The following RXYLT1 variants were observed in gnomAD, a reference collection of about 807,000 sequenced individuals.
RXYLT1 encodes ribitol-5-phosphate xylosyltransferase 1.
RXYLT1 carries 41 observed loss-of-function variants against 43.5 expected under a neutral mutation model. The ratio of observed to expected loss-of-function variants is 0.94; its 90% CI spans 0.73 to 1.22. The LOEUF is 1.22. RXYLT1 is among the 50% of genes most tolerant of loss of function. RXYLT1 has a pLI of 0.00. For synonymous variants in RXYLT1, 166 were observed against 194.4 expected (o/e 0.85, Z 1.21); for missense variants, 514 against 532.0 (o/e 0.97, Z 0.33).
chr12:63,797,547 A>G (rs1194314311), intron 3 of RXYLT1, among the ~76,000 whole-genome samples: 1 of 152,176 alleles, frequency 6.6e-6, no homozygotes, highest in African/African-American at 2.4e-5. Flanking sequence ...TTGCAAACCA[A>G]TCAATATTCC....
rs761912994 is a variant in RXYLT1, at chr12:63,808,733, A to C, written c.973A>C (p.Ser325Arg). ...LKNYQDALLQ[S>R]DLTLCPVGVN... ...GAATTACCAAGATGCCTTGCTTCAG[A>C]GTGATCTCACATTGTGCCCGGTCGG... is the stretch of plus-strand genomic sequence containing the variant. Residue 325 changes from serine (S) to arginine (R), a missense_variant, in exon 6 of 6, where the codon AGT becomes CGT. Ser to Arg is a moderately radical substitution (Grantham distance 110). Transcript: ENST00000261234. 6.2e-7 allele frequency: 1 copy of C among 1,610,576 alleles called. No homozygotes were observed. The highest frequency in any genetic ancestry group is 1.3e-5 in the African/African-American group (1 of 74,724).
At position 63,786,075 on chromosome 12, in the gene RXYLT1, A is replaced by G. The variant is rs553740981; in HGVS notation, c.428+1003A>G. Among the ~76,000 whole-genome samples the G allele has an allele frequency of 3.3e-5, 5 of 152,264 alleles. No homozygotes were observed. In the South Asian group the frequency reaches 1.0e-3, roughly 32 times the overall value. On this transcript the variant is annotated intron_variant, in intron 3 of 5. Coordinates refer to ENST00000261234, the MANE Select transcript of RXYLT1 (RefSeq NM_014254.3). ...ATTCAAGAGCTTAAATAGACTTACA[A>G]TGGTTGGATTTGGGTGTGTGAAAGT... is the stretch of plus-strand genomic sequence containing the variant.
chr12:63,782,600 G>GT (rs1196417149), intron 2 of RXYLT1: 1 of 456,704 alleles, frequency 2.2e-6, no homozygotes, highest in African/African-American at 2.0e-5. Flanking sequence ...GGCCCTCTGT[G>GT]TATGTCACAG....
At chr12:63,786,017 CT>C (rs1230267032) in intron 3 of RXYLT1, among the ~76,000 whole-genome samples, 2 of 151,878 alleles carry the variant, frequency 1.3e-5, no homozygotes, top group African/African-American at 4.8e-5. Flanking sequence ...ATTATTTTTC[CT>C]TTCATCTTCA....
At chr12:63,783,910 C>A (rs1175192402) in intron 2 of RXYLT1, among the ~76,000 whole-genome samples, 1 of 152,066 alleles carries the variant, frequency 6.6e-6, no homozygotes, top group Non-Finnish European at 1.5e-5. Flanking sequence ...GAGTTTCTAG[C>A]GGCTACCCGT....
rs1898036440 is a variant in RXYLT1 at position 63,796,606 on chromosome 12, A to G, written c.429-5485A>G. 2.6e-5 allele frequency among the ~76,000 whole-genome samples: 4 copies of G among 152,238 alleles called. No individual in the cohort carries two copies. In the South Asian group the frequency reaches 8.3e-4, roughly 32 times the overall value. On this transcript the variant is annotated intron_variant, in intron 3 of 5. Coordinates refer to ENST00000261234, the MANE Select transcript of RXYLT1 (RefSeq NM_014254.3). Reference sequence around the variant, plus strand: ...TAAATTAGGCCTCATCTTCAGAGCAAGGAGTAAAATGTTTAGTAGTCTTAA... The same window carrying G: ...TAAATTAGGCCTCATCTTCAGAGCAGGGAGTAAAATGTTTAGTAGTCTTAA...
intron 1 of RXYLT1, 138 bp downstream of exon 1, chr12:63,780,267 C>T (rs2136219078): frequency 7.3e-7 from 1 of 1,366,648 alleles, no homozygotes; most frequent in Non-Finnish European, 9.4e-7. Flanking sequence ...CCCCCTACAG[C>T]CTCTCGAGCC....
At chr12:63,787,580 GT>G (rs1897833174) in intron 3 of RXYLT1, among the ~76,000 whole-genome samples, 1 of 152,048 alleles carries the variant, frequency 6.6e-6, no homozygotes, top group South Asian at 2.1e-4. Context: ...AGGAACCACT[GT>G]CTGTGGCAGC....
intron 2 of RXYLT1, among the ~76,000 whole-genome samples, chr12:63,781,800 G>C (rs932587787): frequency 6.7e-6 from 1 of 149,830 alleles, no homozygotes; most frequent in African/African-American, 2.6e-5. Flanking sequence ...TAGTGACTTA[G>C]AAAGCGCTTT....
At chr12:63,807,290 A>G (rs75360185) in intron 5 of RXYLT1, 4,967 of 152,344 alleles carry the variant, frequency 0.033, 171 homozygotes, top group African/African-American at 0.079. Context: ...CTGGCAAACC[A>G]TAACTCTGGT....
chr12:63,803,247 T>C (rs1049898617), intron 4 of RXYLT1, among the ~76,000 whole-genome samples: 1 of 97,404 alleles, frequency 1.0e-5, no homozygotes, highest in Non-Finnish European at 2.1e-5. Context: ...ATGGAAAACA[T>C]ATATTTTTAT....
intron 3 of RXYLT1, among the ~76,000 whole-genome samples, chr12:63,793,366 G>A (rs1407346331): frequency 1.3e-5 from 2 of 151,720 alleles, no homozygotes; most frequent in African/African-American, 4.8e-5. Flanking sequence ...TGAATTTTAG[G>A]CACAGGGTGC....
chr12:63,790,992 C>T (rs1352743071), intron 3 of RXYLT1, among the ~76,000 whole-genome samples: 5 of 152,146 alleles, frequency 3.3e-5, no homozygotes. Context: ...CTAAGTACTG[C>T]AACATCTTCC....
chr12:63,792,709 T>C lies in RXYLT1; in HGVS notation c.428+7637T>C, dbSNP rs1054484299. Reference sequence around the variant, plus strand: ...CAGATATTAGCTCAGTGAATTTTAATCCTCAGAACCACCCTGTGCAGCTGG... The same window carrying C: ...CAGATATTAGCTCAGTGAATTTTAACCCTCAGAACCACCCTGTGCAGCTGG... On this transcript the variant is annotated intron_variant, in intron 3 of 5. Transcript: ENST00000261234. Among the ~76,000 whole-genome samples the C allele has an allele frequency of 3.9e-5, 6 of 152,212 alleles. No individual in the cohort carries two copies. In the East Asian group the frequency reaches 1.2e-3, roughly 29 times the overall value.
intron 3 of RXYLT1, among the ~76,000 whole-genome samples, chr12:63,787,760 G>T (rs1897837872): frequency 6.6e-6 from 1 of 152,090 alleles, no homozygotes; most frequent in Admixed American, 6.5e-5. Flanking sequence ...CCAAGTAGCT[G>T]GGACTATGGG....
At chr12:63,789,039 G>GAT (rs1897865595) in intron 3 of RXYLT1, among the ~76,000 whole-genome samples, 1 of 152,154 alleles carries the variant, frequency 6.6e-6, no homozygotes, top group Admixed American at 6.6e-5. Context: ...AGAAAAGAGG[G>GAT]ATAAGGAAGG....
intron 2 of RXYLT1, among the ~76,000 whole-genome samples, chr12:63,781,608 C>G (rs1012086712): frequency 6.6e-6 from 1 of 152,108 alleles, no homozygotes; most frequent in African/African-American, 2.4e-5. Flanking sequence ...TTCTCAAGAG[C>G]CTTTAATATG....
chr12:63,795,165 A>G (rs934017951), intron 3 of RXYLT1, among the ~76,000 whole-genome samples: 1 of 152,018 alleles, frequency 6.6e-6, no homozygotes, highest in Non-Finnish European at 1.5e-5. Context: ...CTGTCGTCCC[A>G]GGTACTTGCG....
At position 63,779,921 on chromosome 12, in the gene RXYLT1, G is replaced by C; in HGVS notation, c.-40G>C. ...GGTGTCGCGGATTCTCTTTCCGCCC[G>C]CTCCATGGCGGTGGATGCCTGACTG... On this transcript the variant is annotated 5_prime_UTR_variant, in exon 1 of 6. Transcript: ENST00000261234. 1 of 1,606,466 alleles carries C rather than the reference G, an allele frequency of 6.2e-7. No homozygotes were observed. Among genetic ancestry groups the C allele is most frequent in the Non-Finnish European group, 8.5e-7 (1 of 1,178,380 alleles).
Sources: gnomAD v4.1 joint callset for allele counts (sites outside exome capture counted in the v4.1 genomes callset) on GRCh38, gnomAD v4.1.1 for gene constraint, MANE v1.5 for transcripts, NCBI Gene and HGNC (gene_info 2026-07-23, HGNC 2026-07-21) for gene names.